CDK4: variants seen among roughly 807,000 people sequenced by gnomAD.
CDK4 encodes the protein cyclin-dependent kinase 4.
Under a neutral mutation model 36.7 loss-of-function variants are expected in CDK4, and 13 were observed. That is an observed-to-expected ratio of 0.35 (90% CI 0.23 to 0.56). CDK4 has a LOEUF of 0.56. Ranked by LOEUF, CDK4 falls within the 20% of genes least tolerant of loss-of-function variation. The pLI, the probability that CDK4 is intolerant of heterozygous loss-of-function variation, is 0.85. For synonymous variants in CDK4, 158 were observed against 146.4 expected (o/e 1.08, Z -0.57); for missense variants, 285 against 387.3 (o/e 0.74, Z 2.22).
intron 4 of CDK4, 68 bp downstream of exon 4, chr12:57,750,855 C>A (rs1955228082): frequency 6.2e-7 from 1 of 1,603,140 alleles, no homozygotes; most frequent in South Asian, 1.1e-5. Flanking sequence ...CATGACTTCT[C>A]AATTGCTACG....
chr12:57,751,412 T>C lies in CDK4; in HGVS notation c.219-70A>G. On this transcript the variant is annotated intron_variant, in intron 2 of 7. Coordinates refer to ENST00000257904, the MANE Select transcript of CDK4 (RefSeq NM_000075.4). The surrounding 1 kb of genome is among the most constrained non-coding windows in gnomAD (Gnocchi z 4.5). ...ATGGCCTCTCATTATTTCCTCAGGG[T>C]CCCCACTTCTCTACAGATCATCACA... 6.2e-7 allele frequency: 1 copy of C among 1,611,950 alleles called. No individual in the cohort carries two copies. The highest frequency in any genetic ancestry group is 8.5e-7 in the Non-Finnish European group (1 of 1,178,368).
chr12:57,748,967 A>G, intron 7 of CDK4: 1 of 640,502 alleles, frequency 1.6e-6, no homozygotes, highest in South Asian at 1.9e-5. Flanking sequence ...TGGCCTCCCA[A>G]AGTGCTGGGA....
chr12:57,748,539 C>T lies in CDK4; in HGVS notation c.898G>A (p.Gly300Ser), dbSNP rs879254241. ...CACTCCATTGCTCACTCCGGATTAC[C>T]TTCATCCTTATGTAGATAAGAGTGC... ...LQHSYLHKDE[G>S]NPE The change falls in exon 8 of 8, where the codon GGT (glycine) becomes AGT (serine). Residue 300 changes from glycine (G) to serine (S), a missense_variant. Gly to Ser is a moderately conservative substitution (Grantham distance 56). Coordinates refer to ENST00000257904, the MANE Select transcript of CDK4 (RefSeq NM_000075.4). 140 of 1,612,656 alleles carry T rather than the reference C, an allele frequency of 8.7e-5. No individual in the cohort carries two copies. The highest frequency in any genetic ancestry group is 1.2e-4 in the Non-Finnish European group (140 of 1,178,900).
chr12:57,751,768 G>T lies in CDK4; in HGVS notation c.-19-32C>A. ...TCACAGACTCCTATCACCAAAAGTC[G>T]CTTACAGAGTTAGGATGGTATGAGC... is the stretch of plus-strand genomic sequence containing the variant. On this transcript the variant is annotated intron_variant, in intron 1 of 7. Transcript: ENST00000257904. This position sits in a 1 kb window ranked among gnomAD's most constrained non-coding sequence, Gnocchi z 4.5. 6.4e-7 allele frequency: 1 copy of T among 1,552,860 alleles called. No homozygotes were observed. Among genetic ancestry groups the T allele is most frequent in the Non-Finnish European group, 8.9e-7 (1 of 1,128,048 alleles).
At position 57,751,857 on chromosome 12, in the gene CDK4, G is replaced by T; in HGVS notation, c.-19-121C>A. The stretch of plus-strand genomic sequence containing the variant: ...GAACACCACCAGCATCCCATCCCCC[G>T]CTCCCAGTCTTCCTTGGGGCCGGCC... On this transcript the variant is annotated intron_variant, in intron 1 of 7. Transcript: ENST00000257904. The surrounding 1 kb of genome is among the most constrained non-coding windows in gnomAD (Gnocchi z 4.5). The T allele has an allele frequency of 1.4e-6, 1 of 720,556 alleles. No individual in the cohort carries two copies. The highest frequency in any genetic ancestry group is 2.4e-6 in the Non-Finnish European group (1 of 413,978). The allele number at this position is 720,556 out of a possible 1,614,324, so 44.6% of individuals were successfully genotyped here. A position where few individuals can be genotyped will look rare whatever the true frequency, so the allele number is the denominator to read the frequency against.
Position 57,748,212 on chromosome 12 carries a change from A to C in CDK4, c.*313T>G. 2.6e-6 allele frequency: 1 copy of C among 386,460 alleles called. No individual in the cohort carries two copies. Among genetic ancestry groups the C allele is most frequent in the Non-Finnish European group, 4.8e-6 (1 of 208,954 alleles). 23.9% of individuals were successfully genotyped at this position (386,460 alleles called of 1,614,324 possible). A position where few individuals can be genotyped will look rare whatever the true frequency, so the allele number is the denominator to read the frequency against. Reference sequence around the variant, plus strand: ...GCACAATGGCAAAGCCAAACAGAGGAAGAAACATTAAAAAAAAAAAAAAGA... The same window carrying C: ...GCACAATGGCAAAGCCAAACAGAGGCAGAAACATTAAAAAAAAAAAAAAGA... On this transcript the variant is annotated 3_prime_UTR_variant, in exon 8 of 8. Transcript: ENST00000257904.
Position 57,749,227 on chromosome 12 carries a change from C to A in CDK4, c.774G>T (p.Gln258His). 1.2e-6 allele frequency: 2 copies of A among 1,614,092 alleles called. No homozygotes were observed. Among genetic ancestry groups the A allele is most frequent in the Non-Finnish European group, 1.7e-6 (2 of 1,179,912 alleles). ...ACTCCTCCATCTCAGGTACCACCGA[C>A]TGCACTGGGCGGGGCCCTCTGGGGG... ...AFPPRGPRPV[Q>H]SVVPEMEESG... is the part of the protein sequence containing the mutation. The change falls in exon 7 of 8, where the codon CAG becomes CAT. Residue 258 changes from glutamine to histidine, a missense_variant. Coordinates refer to ENST00000257904, the MANE Select transcript of CDK4 (RefSeq NM_000075.4).
rs1487430935 is a variant in CDK4, at chr12:57,750,975, G to T, written c.470C>A (p.Ala157Asp). The change falls in exon 4 of 8, where the codon GCT becomes GAT. Residue 157 changes from alanine (A) to aspartate (D), a missense_variant. Ala to Asp is a moderately radical substitution (Grantham distance 126). Transcript: ENST00000257904. ...LVTSGGTVKL[A>D]DFGLARIYSY... Reference sequence around the variant, plus strand: ...GTAGATTCTGGCCAGGCCAAAGTCAGCCAGCTTGACTGTTCCACCACTTGT... The same window carrying T: ...GTAGATTCTGGCCAGGCCAAAGTCATCCAGCTTGACTGTTCCACCACTTGT... The T allele has an allele frequency of 6.2e-7, 1 of 1,614,082 alleles. No individual in the cohort carries two copies. Among genetic ancestry groups the T allele is most frequent in the South Asian group, 1.1e-5 (1 of 91,072 alleles).
Position 57,748,344 on chromosome 12 carries a change from GAGA to G in CDK4, c.*178_*180del, listed in dbSNP as rs1271298523. On this transcript the variant is annotated 3_prime_UTR_variant, in exon 8 of 8. Transcript: ENST00000257904. ...CCCCTTAGTGTAGAGAAATGGGAAG[GAGA>G]AGGAGAAGCCTCAAAAGGAGAGGTG... 7 of 679,334 alleles carry G rather than the reference GAGA, an allele frequency of 1.0e-5. No homozygotes were observed. Among genetic ancestry groups the G allele is most frequent in the Middle Eastern group, 4.1e-4 (1 of 2,420 alleles). 42.1% of individuals were successfully genotyped at this position (679,334 alleles called of 1,614,324 possible).
chr12:57,749,994 T>TA (rs1283941524), intron 5 of CDK4: 284 of 128,678 alleles, frequency 2.2e-3, no homozygotes, highest in South Asian at 7.8e-3. Context: ...AGACTCCATC[T>TA]AAAAAAAAAA....
chr12:57,748,867 G>A (rs149961322), intron 7 of CDK4: 85 of 547,296 alleles, frequency 1.6e-4, no homozygotes, highest in Non-Finnish European at 2.4e-4. Flanking sequence ...CACCACCCCC[G>A]GCTTATTTTT....
intron 7 of CDK4, 68 bp downstream of exon 7, chr12:57,749,114 C>G (rs1013477812): frequency 5.0e-6 from 8 of 1,596,508 alleles, no homozygotes; most frequent in East Asian, 2.2e-5. Context: ...GGCCAGGGCC[C>G]TGCATACTGC....
At chr12:57,748,677 A>G (rs1240084086) in intron 7 of CDK4, 60 bp from the exon 8 acceptor site, 1 of 1,113,442 alleles carries the variant, frequency 9.0e-7, no homozygotes, top group Non-Finnish European at 1.4e-6. Flanking sequence ...CCCACCCACA[A>G]CAATACCTGG....
chr12:57,750,340 A>C (rs1190816710), intron 5 of CDK4: 26 of 372,960 alleles, frequency 7.0e-5, no homozygotes, highest in Middle Eastern at 8.9e-4. Context: ...TAGGGGTGGG[A>C]GGATTGCTTG....
At chr12:57,748,772 C>T (rs1955192312) in intron 7 of CDK4, 155 bp from the exon 8 acceptor site, 2 of 621,452 alleles carry the variant, frequency 3.2e-6, no homozygotes, top group Non-Finnish European at 5.8e-6. Flanking sequence ...ATGGTATGAT[C>T]TCAGCTCACT....
rs2140380716 is a variant in CDK4, at chr12:57,748,465, T to C, written c.*60A>G. ...TCAGAGATAAAGGCAAAGATTGCCC[T>C]CTCAGTGTCCAGAAGGGAAATGGCA... On this transcript the variant is annotated 3_prime_UTR_variant, in exon 8 of 8. Transcript: ENST00000257904. 1 of 1,230,232 alleles carries C rather than the reference T, an allele frequency of 8.1e-7. No individual in the cohort carries two copies. Among genetic ancestry groups the C allele is most frequent in the Non-Finnish European group, 1.2e-6 (1 of 831,982 alleles). 76.2% of individuals were successfully genotyped at this position (1,230,232 alleles called of 1,614,324 possible).
Position 57,751,914 on chromosome 12 carries a change from C to G in CDK4, c.-19-178G>C. 1 of 618,512 alleles carries G rather than the reference C, an allele frequency of 1.6e-6. No homozygotes were observed. Among genetic ancestry groups the G allele is most frequent in the Non-Finnish European group, 2.9e-6 (1 of 349,654 alleles). The allele number at this position is 618,512 out of a possible 1,614,324, so 38.3% of individuals were successfully genotyped here. A position where few individuals can be genotyped will look rare whatever the true frequency, so the allele number is the denominator to read the frequency against. The stretch of plus-strand genomic sequence containing the variant: ...ATAACACAATGACTCAATACCAACC[C>G]CTCCAGCCACGTGAGGCCCTGCAAT... On this transcript the variant is annotated intron_variant, in intron 1 of 7. Transcript: ENST00000257904. The surrounding 1 kb of genome is among the most constrained non-coding windows in gnomAD (Gnocchi z 4.5).
chr12:57,750,789 T>A (rs143249446), intron 4 of CDK4, 24 bp from the exon 5 acceptor site: 2 of 1,604,604 alleles, frequency 1.2e-6, no homozygotes, highest in African/African-American at 2.7e-5. Context: ...GAAGAATGGA[T>A]GGGGACCCCA....
At chr12:57,750,055 G>A (rs919757886) in intron 5 of CDK4, 1 of 160,330 alleles carries the variant, frequency 6.2e-6, no homozygotes, top group Non-Finnish European at 1.4e-5. Flanking sequence ...TCAAGAGGCT[G>A]AGATGGGAGG....
Sources: gnomAD v4.1 joint callset for allele counts on GRCh38, gnomAD v4.1.1 for gene constraint, Gnocchi (gnomAD v3.1) non-coding constraint, MANE v1.5 for transcripts, NCBI Gene and HGNC (gene_info 2026-07-23, HGNC 2026-07-21) for gene names.